The following RYR2 variants were observed in gnomAD, a reference collection of about 807,000 sequenced individuals.
The protein encoded by RYR2 is cardiac muscle ryanodine receptor-calcium release channel.
RYR2 carries 227 observed loss-of-function variants against 601.1 expected under a neutral mutation model. The ratio of observed to expected loss-of-function variants is 0.38; its 90% confidence interval spans 0.34 to 0.42. RYR2 has a LOEUF of 0.42. Ranked by LOEUF, RYR2 falls within the 10% of genes least tolerant of loss-of-function variation. RYR2 has a pLI of 1.00. For synonymous variants in RYR2, 2,223 were observed against 2,175.1 expected (o/e 1.02, Z -0.61); for missense variants, 4,646 against 6,156.5 (o/e 0.75, Z 8.21).
intron 12 of RYR2, among the ~76,000 whole-genome samples, chr1:237,428,670 G>A (rs1408630133): frequency 6.6e-6 from 1 of 151,288 alleles, no homozygotes; most frequent in Non-Finnish European, 1.5e-5. Context: ...AAACCTAGAT[G>A]ATGGGTTGAT....
intron 3 of RYR2, among the ~76,000 whole-genome samples, chr1:237,350,602 A>AAAT (rs1558665984): frequency 1.9e-4 from 7 of 37,004 alleles, no homozygotes; most frequent in African/African-American, 3.1e-4. Context: ...AAAAAAAAAA[A>AAAT]ATATATATAT....
rs370240059 is a variant in RYR2, at chr1:237,195,966, A to G, written c.49-74531A>G. ...TATAATTTCAGTGTTAAAATAGCCA[A>G]TGATCTTAGCATGTCTTGTCCGGCA... On this transcript the variant is annotated intron_variant, in intron 1 of 104. Transcript: ENST00000366574. Among the ~76,000 whole-genome samples the G allele has an allele frequency of 4.6e-5, 7 of 152,352 alleles. No individual in the cohort carries two copies. In the East Asian group the frequency reaches 1.2e-3, roughly 25 times the overall value.
At chr1:237,271,319 A>G (rs899788146) in intron 2 of RYR2, among the ~76,000 whole-genome samples, 4 of 152,194 alleles carry the variant, frequency 2.6e-5, no homozygotes, top group African/African-American at 9.6e-5. Context: ...GAGGATATTT[A>G]TTCTTTTAGG....
At chr1:237,249,793 TACTC>T (rs941017504) in intron 1 of RYR2, among the ~76,000 whole-genome samples, 33 of 152,224 alleles carry the variant, frequency 2.2e-4, no homozygotes, top group African/African-American at 7.2e-4. Context: ...TGCATCTTTT[TACTC>T]ACTCATTCAA....
At chr1:237,345,453 CAAAAAAT>C (rs913069540) in intron 3 of RYR2, among the ~76,000 whole-genome samples, 4,912 of 139,130 alleles carry the variant, frequency 0.035, 256 homozygotes, top group African/African-American at 0.11. Flanking sequence ...GAGACTCTGC[CAAAAAAT>C]AAAAAATAAA....
intron 1 of RYR2, among the ~76,000 whole-genome samples, chr1:237,187,341 T>C (rs1246602133): frequency 2.0e-5 from 3 of 151,742 alleles, no homozygotes; most frequent in South Asian, 2.1e-4. Context: ...GGTTTTACCA[T>C]GTTGGCCAGG....
chr1:237,417,468 C>T (rs569959682), intron 11 of RYR2, among the ~76,000 whole-genome samples: 5 of 152,274 alleles, frequency 3.3e-5, no homozygotes, highest in African/African-American at 4.8e-5. Context: ...TTTGGAGACA[C>T]GACAAGTTCT....
chr1:237,179,694 C>A (rs549908705), intron 1 of RYR2, among the ~76,000 whole-genome samples: 1 of 152,222 alleles, frequency 6.6e-6, no homozygotes, highest in South Asian at 2.1e-4. Context: ...ATACCAGCTG[C>A]CCACCAGCTG....
intron 2 of RYR2, among the ~76,000 whole-genome samples, chr1:237,285,823 A>G (rs1340453666): frequency 1.3e-5 from 2 of 152,160 alleles, no homozygotes; most frequent in Non-Finnish European, 2.9e-5. Context: ...AAAGATGTTC[A>G]TAGCAGCCTT....
At chr1:237,343,827 T>G (rs181790275) in intron 3 of RYR2, among the ~76,000 whole-genome samples, 49 of 151,744 alleles carry the variant, frequency 3.2e-4, no homozygotes, top group African/African-American at 1.1e-3. Flanking sequence ...TTTTGTTTTT[T>G]TTTTTTTTTT....
rs1664044244 is a variant in RYR2, at chr1:237,833,389, A to G, written c.*742A>G. On this transcript the variant is annotated 3_prime_UTR_variant, in exon 105 of 105. Transcript: ENST00000366574. ...GCCCCCGCCCCCATATGCTCCTGCT[A>G]TTATTTTGGTAATGCTCTGATGCAA... is the stretch of plus-strand genomic sequence containing the variant. 1 of 102,620 alleles carries G rather than the reference A, an allele frequency of 9.7e-6. No homozygotes were observed. Among genetic ancestry groups the G allele is most frequent in the Non-Finnish European group, 1.8e-5 (1 of 55,956 alleles). The allele number at this position is 102,620 out of a possible 1,614,324, so 6.4% of individuals were successfully genotyped here. A position where few individuals can be genotyped will look rare whatever the true frequency, so the allele number is the denominator to read the frequency against.
chr1:237,205,040 A>G (rs2149064314), intron 1 of RYR2, among the ~76,000 whole-genome samples: 1 of 152,314 alleles, frequency 6.6e-6, no homozygotes, highest in East Asian at 1.9e-4. Context: ...TTGACCGGCT[A>G]GCTGTGCAGT....
intron 17 of RYR2, among the ~76,000 whole-genome samples, chr1:237,488,992 G>A (rs1023714428): frequency 6.6e-6 from 1 of 152,140 alleles, no homozygotes; most frequent in African/African-American, 2.4e-5. Context: ...ACTATTACAG[G>A]CCGCGTGGAC....
At chr1:237,540,559 T>C (rs1197488343) in intron 25 of RYR2, among the ~76,000 whole-genome samples, 2 of 151,880 alleles carry the variant, frequency 1.3e-5, no homozygotes, top group South Asian at 4.2e-4. Flanking sequence ...ATACAAAAAT[T>C]AGCCACGCAT....
chr1:237,123,927 A>C (rs1039347243), intron 1 of RYR2, among the ~76,000 whole-genome samples: 29 of 152,214 alleles, frequency 1.9e-4, no homozygotes, highest in African/African-American at 6.3e-4. Flanking sequence ...TCGGCCTCCC[A>C]ACAGTCACTA....
At chr1:237,808,002 A>G (rs1345774336) in intron 99 of RYR2, among the ~76,000 whole-genome samples, 13 of 152,220 alleles carry the variant, frequency 8.5e-5, no homozygotes, top group African/African-American at 4.8e-5. Flanking sequence ...CTACAATTCT[A>G]TCATATACTT....
intron 67 of RYR2, 82 bp from the exon 68 acceptor site, chr1:237,706,867 T>G: frequency 8.1e-7 from 1 of 1,227,920 alleles, no homozygotes; most frequent in Non-Finnish European, 1.2e-6. Flanking sequence ...AAGTCCAAAA[T>G]GAAATAGTTG....
At chr1:237,264,347 A>G (rs1398288946) in intron 1 of RYR2, among the ~76,000 whole-genome samples, 3 of 152,136 alleles carry the variant, frequency 2.0e-5, no homozygotes, top group South Asian at 2.1e-4. Context: ...TGAATGCCTT[A>G]TCTACTTTCT....
intron 60 of RYR2, among the ~76,000 whole-genome samples, chr1:237,677,692 C>T (rs903835557): frequency 6.6e-6 from 1 of 152,120 alleles, no homozygotes; most frequent in Non-Finnish European, 1.5e-5. Flanking sequence ...TCACTGTCCT[C>T]TTCCCCAGTG....
Sources: allele counts gnomAD v4.1 joint callset (sites outside exome capture counted in the v4.1 genomes callset), GRCh38; gene constraint gnomAD v4.1.1; transcripts MANE v1.5; gene names NCBI Gene and HGNC (gene_info 2026-07-23, HGNC 2026-07-21).